EIF4G3: variants seen among roughly 807,000 people sequenced by gnomAD.
EIF4G3 encodes the protein eukaryotic translation initiation factor 4 gamma 3, also known as eIF-4-gamma 3.
EIF4G3 carries 34 observed loss-of-function variants against 186.4 expected under a neutral mutation model. The ratio of observed to expected loss-of-function variants is 0.18; its 90% CI spans 0.14 to 0.24. The LOEUF is 0.24. Ranked by LOEUF, EIF4G3 falls within the 10% of genes least tolerant of loss-of-function variation. EIF4G3 has a pLI of 1.00. For synonymous variants in EIF4G3, 673 were observed against 679.5 expected (o/e 0.99, Z 0.15); for missense variants, 1,536 against 1,948.5 (o/e 0.79, Z 3.99).
intron 3 of EIF4G3, among the ~76,000 whole-genome samples, chr1:21,073,984 C>T (rs556737290): frequency 6.6e-6 from 1 of 152,092 alleles, no homozygotes; most frequent in Non-Finnish European, 1.5e-5. Context: ...CTAAACACTA[C>T]AATTTTCATT....
intron 23 of EIF4G3, among the ~76,000 whole-genome samples, chr1:20,861,980 A>AAAAAC (rs2076464714): frequency 6.6e-6 from 1 of 152,122 alleles, no homozygotes; most frequent in Non-Finnish European, 1.5e-5. Context: ...TCTCAAAAAA[A>AAAAAC]AAAACAAAGC....
chr1:20,816,095 A>G (rs1446465629), intron 34 of EIF4G3, among the ~76,000 whole-genome samples: 1 of 107,256 alleles, frequency 9.3e-6, no homozygotes, highest in African/African-American at 3.6e-5. Flanking sequence ...TCCGGAAGGG[A>G]GGTGGGGGGA....
rs186286016 is a variant in EIF4G3, at chr1:21,092,116, T to C, written c.-271-2903A>G. ...CAGTTTTTGCCCATTCAGTATGATA[T>C]TGGCTGTGGGTTTGTCATAAATAGC... On this transcript the variant is annotated intron_variant, in intron 2 of 36. Transcript: ENST00000602326. Among the ~76,000 whole-genome samples the C allele has an allele frequency of 1.9e-3, 293 of 152,332 alleles. 4 individuals are homozygous for C. The highest frequency in any genetic ancestry group is 7.3e-3 in the East Asian group (38 of 5,192).
intron 10 of EIF4G3, 79 bp downstream of exon 10, chr1:20,980,243 ACTAAACCTCATT>A: frequency 1.2e-6 from 1 of 843,408 alleles, no homozygotes; most frequent in Non-Finnish European, 1.8e-6. Context: ...CCTTCTTACC[ACTAAACCTCATT>A]GTATAAACCA....
At chr1:21,078,215 G>GT (rs1184650438) in intron 3 of EIF4G3, among the ~76,000 whole-genome samples, 2 of 152,226 alleles carry the variant, frequency 1.3e-5, no homozygotes, top group Non-Finnish European at 2.9e-5. Context: ...GTGGATCAAT[G>GT]TAAGTATCCA....
At chr1:20,836,705 A>G (rs2066861882) in intron 30 of EIF4G3, among the ~76,000 whole-genome samples, 1 of 152,162 alleles carries the variant, frequency 6.6e-6, no homozygotes, top group African/African-American at 2.4e-5. Flanking sequence ...TTTTGTGTCT[A>G]TTGTCCACTC....
At chr1:21,071,391 G>T (rs1047166495) in intron 3 of EIF4G3, among the ~76,000 whole-genome samples, 3 of 152,064 alleles carry the variant, frequency 2.0e-5, no homozygotes, top group African/African-American at 7.2e-5. Flanking sequence ...GCTCCAGCCT[G>T]GACAACAGGG....
intron 14 of EIF4G3, among the ~76,000 whole-genome samples, chr1:20,918,590 C>T (rs972863237): frequency 6.6e-6 from 1 of 152,030 alleles, no homozygotes; most frequent in African/African-American, 2.4e-5. Flanking sequence ...TAAAATCCCT[C>T]CTAGCATGTA....
chr1:21,132,130 T>C (rs576309349), intron 2 of EIF4G3, among the ~76,000 whole-genome samples: 12 of 152,308 alleles, frequency 7.9e-5, no homozygotes, highest in Middle Eastern at 3.4e-3. Flanking sequence ...TATTGTTAGA[T>C]ATTTTTATTC....
At chr1:20,994,228 C>T (rs1362580952) in intron 7 of EIF4G3, among the ~76,000 whole-genome samples, 3 of 152,168 alleles carry the variant, frequency 2.0e-5, no homozygotes, top group African/African-American at 7.2e-5. Context: ...GTGAAACAAA[C>T]CAAATTGACC....
chr1:21,111,903 G>A (rs1452308680), intron 2 of EIF4G3, among the ~76,000 whole-genome samples: 2 of 152,072 alleles, frequency 1.3e-5, no homozygotes, highest in African/African-American at 4.8e-5. Context: ...TTCACAGAAG[G>A]GTCAGAGAGA....
At chr1:20,938,498 G>A (rs2095593183) in intron 14 of EIF4G3, among the ~76,000 whole-genome samples, 1 of 152,116 alleles carries the variant, frequency 6.6e-6, no homozygotes, top group Non-Finnish European at 1.5e-5. Flanking sequence ...GCAGAGACAA[G>A]TAAAAACTAT....
chr1:20,819,059 ACCCAGCTC>A (rs1441377717), intron 33 of EIF4G3, among the ~76,000 whole-genome samples: 1 of 152,082 alleles, frequency 6.6e-6, no homozygotes, highest in Non-Finnish European at 1.5e-5. Context: ...GCACCACTGC[ACCCAGCTC>A]CATAAGATTT....
At chr1:21,148,705 TAAAAAAAA>T (rs765374275) in intron 2 of EIF4G3, among the ~76,000 whole-genome samples, 2 of 108,970 alleles carry the variant, frequency 1.8e-5, no homozygotes, top group Non-Finnish European at 3.6e-5. Context: ...CTGTCTCATT[TAAAAAAAA>T]AAAAAAAAAA....
intron 4 of EIF4G3, among the ~76,000 whole-genome samples, chr1:21,007,106 A>G (rs926823047): frequency 6.6e-6 from 1 of 152,120 alleles, no homozygotes; most frequent in Admixed American, 6.6e-5. Context: ...ATTTTCAAAG[A>G]GGTATAAGGT....
At chr1:21,141,778 T>C (rs2097344190) in intron 2 of EIF4G3, among the ~76,000 whole-genome samples, 1 of 152,020 alleles carries the variant, frequency 6.6e-6, no homozygotes, top group Non-Finnish European at 1.5e-5. Context: ...AAAATTTTTA[T>C]AACTTAGTCA....
intron 14 of EIF4G3, among the ~76,000 whole-genome samples, chr1:20,937,259 G>A (rs983751509): frequency 4.6e-5 from 7 of 152,206 alleles, no homozygotes; most frequent in African/African-American, 1.7e-4. Flanking sequence ...TGGATGGAGA[G>A]AAGATTGCTG....
chr1:21,119,402 G>A lies in EIF4G3; in HGVS notation c.-271-30189C>T, dbSNP rs368241842. Among the ~76,000 whole-genome samples, 4 of 152,104 alleles carry A rather than the reference G, an allele frequency of 2.6e-5. No individual in the cohort carries two copies. The East Asian group carries it at 5.8e-4, about 22-fold the overall frequency. Reference sequence around the variant, plus strand: ...ATTTCCTTTATAAAATGACTACGGAGAATAAAATACCAAATTCATGTACAG... The same window carrying A: ...ATTTCCTTTATAAAATGACTACGGAAAATAAAATACCAAATTCATGTACAG... On this transcript the variant is annotated intron_variant, in intron 2 of 36. Transcript: ENST00000602326.
intron 2 of EIF4G3, chr1:21,169,642 A>C (rs2097918806): frequency 6.6e-6 from 1 of 152,178 alleles, no homozygotes; most frequent in Admixed American, 6.6e-5. Flanking sequence ...TACCAACCCT[A>C]ATCCTCAGTA....
Sources: gnomAD v4.1 joint callset for allele counts (sites outside exome capture counted in the v4.1 genomes callset) on GRCh38, gnomAD v4.1.1 for gene constraint, MANE v1.5 for transcripts, NCBI Gene and HGNC (gene_info 2026-07-23, HGNC 2026-07-21) for gene names.